Variants in PCGF3 observed in about 807,000 individuals in gnomAD.
PCGF3 encodes polycomb group ring finger 3.
PCGF3 carries 7 observed loss-of-function variants against 33.1 expected under a neutral mutation model. The observed-to-expected ratio is 0.21, with a 90% CI of 0.12 to 0.40. The LOEUF is 0.40. Ranked by LOEUF, PCGF3 falls within the 10% of genes least tolerant of loss-of-function variation. The pLI, the probability that PCGF3 is intolerant of heterozygous loss-of-function variation, is 1.00. For synonymous variants in PCGF3, 153 were observed against 121.3 expected (o/e 1.26, Z -1.72); for missense variants, 211 against 313.3 (o/e 0.67, Z 2.46).
rs188529129 is a variant in PCGF3 at position 749,568 on chromosome 4, C to T, written c.462+4880C>T. On this transcript the variant is annotated intron_variant, in intron 8 of 10. Transcript: ENST00000362003. The stretch of plus-strand genomic sequence containing the variant: ...GTGGCACAATCTTGGCTCACTGCAA[C>T]CTCTGCCTCCTGGGTTCAAGCGATT... Among the ~76,000 whole-genome samples, 20 of 142,920 alleles carry T rather than the reference C, an allele frequency of 1.4e-4. 1 individual carries two copies. In the East Asian group the frequency reaches 4.2e-3, roughly 30 times the overall value. 93.8% of individuals were successfully genotyped at this position (142,920 alleles called of 152,430 possible). A position where few individuals can be genotyped will look rare whatever the true frequency, so the allele number is the denominator to read the frequency against.
At chr4:754,285 C>T (rs749015340) in intron 8 of PCGF3, among the ~76,000 whole-genome samples, 5 of 152,212 alleles carry the variant, frequency 3.3e-5, no homozygotes, top group South Asian at 2.1e-4. Context: ...TTCACTCCTC[C>T]GAGTTGTGCC....
chr4:734,045 G>A (rs936526355), intron 4 of PCGF3: 10 of 1,550,676 alleles, frequency 6.4e-6, no homozygotes, highest in East Asian at 4.9e-5. Context: ...TTCCTCCCAC[G>A]GAGCAGCAAG....
intron 8 of PCGF3, among the ~76,000 whole-genome samples, chr4:756,789 C>T (rs6599375): frequency 0.068 from 10,423 of 152,168 alleles, 1,150 homozygotes; most frequent in African/African-American, 0.24. Context: ...TCACTCCCCA[C>T]CCCGCTCCCC....
At chr4:754,708 A>ATGTGAGATCGGGGTGTGC (rs1744690908) in intron 8 of PCGF3, among the ~76,000 whole-genome samples, 5 of 152,058 alleles carry the variant, frequency 3.3e-5, no homozygotes, top group African/African-American at 1.2e-4. Context: ...GGCAGTTGGG[A>ATGTGAGATCGGGGTGTGC]TGTGAGATCG....
At position 715,868 on chromosome 4, in the gene PCGF3, T is replaced by C. The variant is rs71604305; in HGVS notation, c.-190+9898T>C. On this transcript the variant is annotated intron_variant, in intron 1 of 10. Coordinates refer to ENST00000362003, the Ensembl canonical transcript of PCGF3. Reference sequence around the variant, plus strand: ...AGACACTGTGAGTGTGAGAACTGGGTGTCGGTGCTGGGACCCTGTGGACAC... The same window carrying C: ...AGACACTGTGAGTGTGAGAACTGGGCGTCGGTGCTGGGACCCTGTGGACAC... Among the ~76,000 whole-genome samples, 182 of 86,686 alleles carry C rather than the reference T, an allele frequency of 2.1e-3. 3 individuals carry two copies. The highest frequency in any genetic ancestry group is 4.2e-3 in the South Asian group (8 of 1,900). 56.9% of individuals were successfully genotyped at this position (86,686 alleles called of 152,430 possible).
intron 5 of PCGF3, among the ~76,000 whole-genome samples, chr4:737,223 C>T (rs542215248): frequency 1.3e-5 from 2 of 152,292 alleles, no homozygotes; most frequent in South Asian, 2.1e-4. Context: ...CACGGGTTCC[C>T]AGAAGAGCCT....
chr4:734,886 C>G (rs890819957), intron 4 of PCGF3, 45 bp from the exon 5 acceptor site: 1 of 1,596,318 alleles, frequency 6.3e-7, no homozygotes, highest in Non-Finnish European at 8.5e-7. Context: ...GGGTGGGCGC[C>G]CTGGCTCTAG....
intron 1 of PCGF3, among the ~76,000 whole-genome samples, chr4:718,321 A>G (rs1742942561): frequency 6.6e-6 from 1 of 151,994 alleles, no homozygotes; most frequent in African/African-American, 2.4e-5. Context: ...CTCCCTGGGT[A>G]TAACCTGCCT....
In PCGF3 at chr4:761,386, C is replaced by CA; in HGVS notation, c.576dup (p.Leu193ThrfsTer7). Reference sequence around the variant, plus strand: ...TCTTGCATCTGAAGAAGTTCATCGCCAAAAAACTCAACCTTTCATCCTTTA... The same window carrying CA: ...TCTTGCATCTGAAGAAGTTCATCGCCAAAAAAACTCAACCTTTCATCCTTTA... On this transcript the variant is annotated frameshift_variant, in exon 9 of 11. Coordinates refer to ENST00000362003, the Ensembl canonical transcript of PCGF3. LOFTEE classifies it high-confidence loss of function. The CA allele has an allele frequency of 6.2e-7, 1 of 1,610,662 alleles. No individual in the cohort carries two copies. The highest frequency in any genetic ancestry group is 1.1e-5 in the South Asian group (1 of 90,502).
chr4:766,865 CTTACTT>C (rs1418887673), exon 11 of PCGF3: 4 of 152,224 alleles, frequency 2.6e-5, no homozygotes, highest in African/African-American at 9.7e-5. Flanking sequence ...CGGAACAACT[CTTACTT>C]TTAAAAATTA....
At chr4:714,886 G>T (rs907003023) in intron 1 of PCGF3, among the ~76,000 whole-genome samples, 2 of 152,248 alleles carry the variant, frequency 1.3e-5, no homozygotes, top group African/African-American at 4.8e-5. Flanking sequence ...GGGTCAGTAT[G>T]TCAGTAACAG....
chr4:765,767 A>ATCAGGTAC (rs1206857560), intron 10 of PCGF3, among the ~76,000 whole-genome samples: 1 of 152,074 alleles, frequency 6.6e-6, no homozygotes, highest in Non-Finnish European at 1.5e-5. Context: ...CCAGGGCCAC[A>ATCAGGTAC]TCAGGTACAG....
chr4:742,713 A>C lies in PCGF3; in HGVS notation c.263-761A>C, dbSNP rs146794747. Among the ~76,000 whole-genome samples, 51 of 152,276 alleles carry C rather than the reference A, an allele frequency of 3.3e-4. 1 individual carries two copies. In the East Asian group the frequency reaches 9.9e-3, roughly 29 times the overall value. On this transcript the variant is annotated intron_variant, in intron 6 of 10. Transcript: ENST00000362003. Reference sequence around the variant, plus strand: ...CCTCTGGTCCGGCCAGAGGTGACCCAATGGCAGGTGTGGGTGAGGATGCTG... The same window carrying C: ...CCTCTGGTCCGGCCAGAGGTGACCCCATGGCAGGTGTGGGTGAGGATGCTG...
intron 3 of PCGF3, among the ~76,000 whole-genome samples, chr4:733,310 C>T (rs966767861): frequency 3.9e-5 from 6 of 152,270 alleles, no homozygotes; most frequent in African/African-American, 1.4e-4. Flanking sequence ...TTCGCGGGCT[C>T]CTCCTGCTCC....
intron 8 of PCGF3, among the ~76,000 whole-genome samples, chr4:760,778 C>T (rs990789149): frequency 1.6e-4 from 24 of 152,262 alleles, no homozygotes; most frequent in Admixed American, 1.4e-3. Flanking sequence ...ACTCCACAGT[C>T]CCCTTAACAG....
Position 761,159 on chromosome 4 carries a change from C to T in PCGF3, c.463-120C>T, listed in dbSNP as rs142444509. 207 of 670,782 alleles carry T rather than the reference C, an allele frequency of 3.1e-4. No homozygotes were observed. In the East Asian group the frequency reaches 6.4e-3, roughly 21 times the overall value. The allele number at this position is 670,782 out of a possible 1,614,324, so 41.6% of individuals were successfully genotyped here. A position where few individuals can be genotyped will look rare whatever the true frequency, so the allele number is the denominator to read the frequency against. ...GCAGTGTTGAAGTCAAAGCAGATGTCTGATCTCAAAAAGGTCAGCAGTCCT... is the reference window on the plus strand; with the variant it reads ...GCAGTGTTGAAGTCAAAGCAGATGTTTGATCTCAAAAAGGTCAGCAGTCCT... On this transcript the variant is annotated intron_variant, in intron 8 of 10. Coordinates refer to ENST00000362003, the Ensembl canonical transcript of PCGF3.
At chr4:767,442 C>T (rs1271949912) in exon 11 of PCGF3, 1 of 152,180 alleles carries the variant, frequency 6.6e-6, no homozygotes, top group Non-Finnish European at 1.5e-5. Context: ...CGGGCTGTTC[C>T]CATTTATTTC....
intron 8 of PCGF3, among the ~76,000 whole-genome samples, chr4:756,301 C>T (rs963822827): frequency 6.6e-6 from 1 of 151,756 alleles, no homozygotes; most frequent in Non-Finnish European, 1.5e-5. Context: ...CAACCTCTAC[C>T]TCCCTGGTTG....
intron 8 of PCGF3, among the ~76,000 whole-genome samples, chr4:755,036 C>G (rs1744706094): frequency 6.6e-6 from 1 of 152,212 alleles, no homozygotes; most frequent in Non-Finnish European, 1.5e-5. Context: ...AGCGACAGGT[C>G]TTTCTGCAGT....
Sources: gnomAD v4.1 joint callset for allele counts (sites outside exome capture counted in the v4.1 genomes callset) on GRCh38, gnomAD v4.1.1 for gene constraint, MANE v1.5 for transcripts, NCBI Gene and HGNC (gene_info 2026-07-23, HGNC 2026-07-21) for gene names.